Variants in OGA observed in about 807,000 individuals in gnomAD.
The protein encoded by OGA is O-GlcNAcase.
In OGA, 21 loss-of-function variants were observed where a neutral mutation model predicts 102.0. The observed-to-expected ratio is 0.21, with a 90% confidence interval of 0.15 to 0.30. The LOEUF is 0.30. Ranked by LOEUF, OGA falls within the 10% of genes least tolerant of loss-of-function variation. The probability of loss-of-function intolerance (pLI) is 1.00; values close to 1 mark genes in which losing one functional copy is unlikely to be tolerated. For missense variants in OGA, 765 were observed against 1,107.8 expected (o/e 0.69, Z 4.39); for synonymous variants, 408 against 378.2 (o/e 1.08, Z -0.91).
At chr10:101,809,645 A>G (rs1264415358) in intron 4 of OGA, among the ~76,000 whole-genome samples, 1 of 147,316 alleles carries the variant, frequency 6.8e-6, no homozygotes, top group Admixed American at 6.9e-5. Context: ...TGGGAGGTGG[A>G]GGTTGCAGTG....
At chr10:101,791,194 C>T in intron 13 of OGA, 106 bp from the exon 14 acceptor site, 3 of 1,298,702 alleles carry the variant, frequency 2.3e-6, no homozygotes, top group Non-Finnish European at 3.2e-6. Flanking sequence ...ACGGAACCTA[C>T]ATTTGGTGTA....
chr10:101,802,113 C>A (rs1255877503), intron 7 of OGA, among the ~76,000 whole-genome samples: 1 of 152,092 alleles, frequency 6.6e-6, no homozygotes, highest in Non-Finnish European at 1.5e-5. Flanking sequence ...CCACTGCACT[C>A]CAGCCTGGGC....
chr10:101,784,758 T>C lies in OGA; in HGVS notation c.*1693A>G, dbSNP rs749400520. The C allele has an allele frequency of 1.3e-5, 2 of 152,224 alleles. No homozygotes were observed. Among genetic ancestry groups the C allele is most frequent in the Admixed American group, 1.3e-4 (2 of 15,280 alleles). The allele number at this position is 152,224 out of a possible 1,614,324, so 9.4% of individuals were successfully genotyped here. A position where few individuals can be genotyped will look rare whatever the true frequency, so the allele number is the denominator to read the frequency against. ...AATCCTCCAAACAAAATGCTAGAAT[T>C]GTCCACTAGTGTTAAGACGAGAAAA... On this transcript the variant is annotated 3_prime_UTR_variant, in exon 16 of 16. Coordinates refer to ENST00000361464, the MANE Select transcript of OGA (RefSeq NM_012215.5).
chr10:101,806,704 T>C (rs1044671887), intron 5 of OGA, among the ~76,000 whole-genome samples: 3 of 152,218 alleles, frequency 2.0e-5, no homozygotes, highest in African/African-American at 7.2e-5. Flanking sequence ...GAATTCTGAA[T>C]TGCCTACTTT....
intron 3 of OGA, 125 bp from the exon 4 acceptor site, chr10:101,810,439 A>C: frequency 6.7e-6 from 6 of 897,588 alleles, no homozygotes; most frequent in Non-Finnish European, 9.9e-6. Flanking sequence ...CACATTTTAC[A>C]AATTGTCATG....
At chr10:101,811,406 G>GAAAAAAAAAAAAAAAAAAAAAA (rs67433227) in intron 3 of OGA, among the ~76,000 whole-genome samples, 1 of 45,706 alleles carries the variant, frequency 2.2e-5, no homozygotes, top group Non-Finnish European at 3.7e-5. Flanking sequence ...GAAAAAAAAT[G>GAAAAAAAAAAAAAAAAAAAAAA]AAAAAAAAAA....
intron 4 of OGA, 98 bp from the exon 5 acceptor site, chr10:101,807,999 A>C (rs1356280096): frequency 2.0e-6 from 2 of 989,852 alleles, no homozygotes; most frequent in African/African-American, 3.3e-5. Context: ...TATTTTCCTT[A>C]CTAGAATGTT....
At chr10:101,788,305 G>A (rs1443863102) in intron 14 of OGA, among the ~76,000 whole-genome samples, 4 of 151,538 alleles carry the variant, frequency 2.6e-5, no homozygotes, top group East Asian at 1.9e-4. Flanking sequence ...CAGTCATGGC[G>A]GCGTGCGCCT....
At chr10:101,817,734 C>T in intron 1 of OGA, 90 bp downstream of exon 1, 1 of 1,431,064 alleles carries the variant, frequency 7.0e-7, no homozygotes, top group Non-Finnish European at 9.4e-7. Context: ...GCTTTCCGGC[C>T]TTTTAGAGTC....
chr10:101,806,982 TA>T (rs1173036770), intron 5 of OGA, among the ~76,000 whole-genome samples: 2 of 152,062 alleles, frequency 1.3e-5, no homozygotes, highest in Admixed American at 6.6e-5. Context: ...AAGTAAAATT[TA>T]AAAAAAATTT....
intron 12 of OGA, chr10:101,792,517 G>C (rs887857637): frequency 2.6e-5 from 5 of 191,026 alleles, no homozygotes; most frequent in Non-Finnish European, 5.3e-5. Flanking sequence ...ACAATTGAAA[G>C]AAAATTACAG....
intron 10 of OGA, among the ~76,000 whole-genome samples, chr10:101,796,304 C>T (rs898727649): frequency 1.3e-4 from 20 of 152,140 alleles, no homozygotes; most frequent in Non-Finnish European, 2.8e-4. Flanking sequence ...CTCTGTCACC[C>T]AGGCTGGAGT....
At position 101,806,127 on chromosome 10, in the gene OGA, G is replaced by A; in HGVS notation, c.669C>T (p.Phe223=). 6.2e-7 allele frequency: 1 copy of A among 1,604,440 alleles called. No individual in the cohort carries two copies. Among genetic ancestry groups the A allele is most frequent in the Non-Finnish European group, 8.5e-7 (1 of 1,171,130 alleles). The change falls in exon 6 of 16, where the codon TTC becomes TTT. Residue 223 remains phenylalanine (F), a synonymous_variant. Transcript: ENST00000361464. ...GAGACTGAGACACATTTGGATAACA[G>A]AAAGTGCCACAGTATTCTAAATGTA... The part of the protein sequence containing the change: ...LFCPTEYCGT[F]CYPNVSQSPY...
chr10:101,792,804 C>T (rs1389826790), intron 12 of OGA, 35 bp downstream of exon 12: 1 of 1,435,646 alleles, frequency 7.0e-7, no homozygotes, highest in East Asian at 2.3e-5. Flanking sequence ...TGCACCATAC[C>T]CATACACCAA....
chr10:101,790,096 A>G (rs1194555654), intron 14 of OGA, among the ~76,000 whole-genome samples: 1 of 152,162 alleles, frequency 6.6e-6, no homozygotes, highest in Non-Finnish European at 1.5e-5. Context: ...GGACAGACTT[A>G]TTAAGAAGTG....
chr10:101,815,200 AT>A (rs1167137875), intron 1 of OGA, among the ~76,000 whole-genome samples: 2 of 152,228 alleles, frequency 1.3e-5, no homozygotes, highest in Non-Finnish European at 2.9e-5. Flanking sequence ...CCAAATTAAA[AT>A]TCATTACATA....
intron 3 of OGA, among the ~76,000 whole-genome samples, chr10:101,812,110 G>A (rs921859287): frequency 1.3e-5 from 2 of 152,162 alleles, no homozygotes; most frequent in African/African-American, 2.4e-5. Flanking sequence ...TTAGCTATAT[G>A]CGTATACCAT....
At chr10:101,801,708 G>A (rs1404683916) in intron 7 of OGA, among the ~76,000 whole-genome samples, 10 of 152,154 alleles carry the variant, frequency 6.6e-5, no homozygotes, top group Admixed American at 6.5e-4. Context: ...CAATGACTGA[G>A]CCAAACAAAA....
chr10:101,787,299 C>A lies in OGA; in HGVS notation c.2614+65G>T, dbSNP rs2065202397. 12 of 1,439,296 alleles carry A rather than the reference C, an allele frequency of 8.3e-6. No homozygotes were observed. In the South Asian group the frequency reaches 1.2e-4, roughly 14 times the overall value. The allele number at this position is 1,439,296 out of a possible 1,614,324, so 89.2% of individuals were successfully genotyped here. On this transcript the variant is annotated intron_variant, in intron 15 of 15. Coordinates refer to ENST00000361464, the MANE Select transcript of OGA (RefSeq NM_012215.5). ...ACAATTCACTTCTTTCCTTTTATAT[C>A]CAAAAATATATAGTTCTTTCCCTAT... is the stretch of plus-strand genomic sequence containing the variant.
Sources: gnomAD v4.1 joint callset for allele counts (sites outside exome capture counted in the v4.1 genomes callset) on GRCh38, gnomAD v4.1.1 for gene constraint, MANE v1.5 for transcripts, NCBI Gene and HGNC (gene_info 2026-07-23, HGNC 2026-07-21) for gene names.